TTN: variants seen among roughly 807,000 people sequenced by gnomAD.
TTN encodes the protein connectin.
Under a neutral mutation model 3,223.0 loss-of-function variants are expected in TTN, and 1,525 were observed. That is an observed-to-expected ratio of 0.47 (90% CI 0.45 to 0.49). The LOEUF (loss-of-function observed/expected upper bound fraction) is 0.49, where lower values mean the gene tolerates loss of function less well. TTN is among the 20% of genes least tolerant of loss of function. The pLI, the probability that TTN is intolerant of heterozygous loss-of-function variation, is 0.00. For missense variants in TTN, 40,786 were observed against 43,424.0 expected, an observed-to-expected ratio of 0.94 and a Z score of 5.40; for synonymous variants, 14,094 against 15,161.0, an observed-to-expected ratio of 0.93 and a Z score of 5.17.
Position 178,679,587 on chromosome 2 carries a change from A to G in TTN, c.33664+12T>C, listed in dbSNP as rs1560316773. ...AAGTCTCTTAGATACCCGTCAATGA[A>G]TGGTGGTGTACCTTTTGCCGGTGGA... On this transcript the variant is annotated intron_variant, in intron 141 of 362. Coordinates refer to ENST00000589042, the MANE Select transcript of TTN (RefSeq NM_001267550.2). 3 of 1,607,880 alleles carry G rather than the reference A, an allele frequency of 1.9e-6. No homozygotes were observed. Among genetic ancestry groups the G allele is most frequent in the Non-Finnish European group, 2.5e-6 (3 of 1,178,020 alleles).
chr2:178,621,215 A>C lies in TTN; in HGVS notation c.45503T>G (p.Ile15168Ser), dbSNP rs964218547. The change falls in exon 246 of 363, where the codon ATT becomes AGT. Residue 15168 changes from isoleucine to serine, a missense_variant. By Grantham distance (142) the Ile-to-Ser change is moderately radical (BLOSUM62 -2). Coordinates refer to ENST00000589042, the MANE Select transcript of TTN (RefSeq NM_001267550.2). ...TAGGACCCTCTTTTTACCATCAGCA[A>C]TAACGTCATATTTATCTCCAGATTC... ...TLESGDKYDV[I>S]ADGKKRVLVV... is the part of the protein sequence containing the mutation. 6.2e-7 allele frequency: 1 copy of C among 1,612,208 alleles called. No individual in the cohort carries two copies.
In TTN at chr2:178,546,718, G is replaced by A. The variant is rs375185958; in HGVS notation, c.94710C>T (p.Thr31570=). The A allele has an allele frequency of 1.9e-5, 30 of 1,613,636 alleles. No individual in the cohort carries two copies. The highest frequency in any genetic ancestry group is 2.2e-5 in the East Asian group (1 of 44,882). Residue 31570 remains threonine, a synonymous_variant, in exon 341 of 363, where the codon ACC becomes ACT. Transcript: ENST00000589042. ...NYTIVSDNFF[T]VTALSEGDTY... ...TGTCTCCTTCACTGAGAGCAGTCAC[G>A]GTGAAGAAATTGTCAGATACAATGG...
rs200373454 is a variant in TTN at position 178,580,615 on chromosome 2, T to G, written c.66770-6A>C. ...AAGTTCTCCCTCAGGTGGAACTGTT[T>G]AATTTTGGGTGAAGAAGTTAAATAA... On this transcript the variant is annotated splice_polypyrimidine_tract_variant and splice_region_variant and intron_variant, in intron 316 of 362. Coordinates refer to ENST00000589042, the MANE Select transcript of TTN (RefSeq NM_001267550.2). 3.8e-6 allele frequency: 6 copies of G among 1,591,730 alleles called. No homozygotes were observed. Among genetic ancestry groups the G allele is most frequent in the Non-Finnish European group, 5.1e-6 (6 of 1,174,280 alleles).
intron 68 of TTN, 69 bp from the exon 69 acceptor site, chr2:178,727,440 T>C (rs1331777448): frequency 1.3e-5 from 19 of 1,509,600 alleles, no homozygotes; most frequent in South Asian, 5.5e-5. Flanking sequence ...TTAGATAGTA[T>C]ACAGGCAAGA....
chr2:178,768,712 C>A lies in TTN; in HGVS notation c.9124G>T (p.Ala3042Ser), dbSNP rs756542210. Reference protein sequence around the residue: ...FGDAADYTFVAGKATSTATLY... With the variant: ...FGDAADYTFVSGKATSTATLY... ...GTGGCTGTTGATGTTGCTTTTCCAG[C>A]CACAAAGGTGTAGTCAGCAGCATCC... The change falls in exon 38 of 363, where the codon GCT becomes TCT. Residue 3042 changes from alanine (A) to serine (S), a missense_variant. Coordinates refer to ENST00000589042, the MANE Select transcript of TTN (RefSeq NM_001267550.2). 20 of 1,614,072 alleles carry A rather than the reference C, an allele frequency of 1.2e-5. No homozygotes were observed. The highest frequency in any genetic ancestry group is 3.3e-4 in the Middle Eastern group (2 of 6,060).
chr2:178,753,255 T>C lies in TTN; in HGVS notation c.11255-75A>G, dbSNP rs1290056155. On this transcript the variant is annotated intron_variant, in intron 46 of 362. Coordinates refer to ENST00000589042, the MANE Select transcript of TTN (RefSeq NM_001267550.2). The stretch of plus-strand genomic sequence containing the variant: ...TTTCTGCATCAATTCATGACTTGTA[T>C]GATTAAAGTTTTCTTTTTATTATAA... 1.9e-5 allele frequency: 23 copies of C among 1,195,320 alleles called. No homozygotes were observed. In the Admixed American group the frequency reaches 3.7e-4, roughly 19 times the overall value. The allele number at this position is 1,195,320 out of a possible 1,614,324, so 74.0% of individuals were successfully genotyped here.
At position 178,569,782 on chromosome 2, in the gene TTN, A is replaced by G; in HGVS notation, c.76350T>C (p.Gly25450=). The change falls in exon 326 of 363, where the codon GGT becomes GGC. Residue 25450 remains glycine (G), a synonymous_variant. Transcript: ENST00000589042. Reference sequence around the variant, plus strand: ...TTGGTGGAGTGCACATTGTCCATTCACCAACACTCACATCACATTTTTCAA... The same window carrying G: ...TTGGTGGAGTGCACATTGTCCATTCGCCAACACTCACATCACATTTTTCAA... ...YIVEKCDVSV[G]EWTMCTPPTG... 1 of 1,613,252 alleles carries G rather than the reference A, an allele frequency of 6.2e-7. No individual in the cohort carries two copies. The highest frequency in any genetic ancestry group is 1.1e-5 in the South Asian group (1 of 91,052).
At position 178,571,972 on chromosome 2, in the gene TTN, G is replaced by C; in HGVS notation, c.74160C>G (p.Leu24720=). The C allele has an allele frequency of 6.2e-7, 1 of 1,613,270 alleles. No individual in the cohort carries two copies. The highest frequency in any genetic ancestry group is 8.5e-7 in the Non-Finnish European group (1 of 1,179,586). ...CCAGTACAGTGAAAGTATTGAACAG[G>C]AGTTTGAAGGCTGGTGGAATGACAA... The part of the protein sequence containing the change: ...KDLVIPPAFK[L]LFNTFTVLAG... The change falls in exon 326 of 363, where the codon CTC becomes CTG. Residue 24720 remains leucine (L), a synonymous_variant. Transcript: ENST00000589042.
chr2:178,714,706 G>A (rs1000997948), intron 90 of TTN, 133 bp from the exon 91 acceptor site: 6 of 1,050,720 alleles, frequency 5.7e-6, no homozygotes, highest in Non-Finnish European at 6.7e-6. Flanking sequence ...TGGTGGATGC[G>A]AGCAGGGACA....
chr2:178,712,108 C>A lies in TTN; in HGVS notation c.27722G>T (p.Gly9241Val). 1 of 1,613,724 alleles carries A rather than the reference C, an allele frequency of 6.2e-7. No homozygotes were observed. The highest frequency in any genetic ancestry group is 1.1e-5 in the South Asian group (1 of 91,060). The change falls in exon 96 of 363, where the codon GGA becomes GTA. Residue 9241 changes from glycine (G) to valine (V), a missense_variant. Gly to Val is a moderately radical substitution (Grantham distance 109). Transcript: ENST00000589042. The stretch of plus-strand genomic sequence containing the variant: ...CGTAGTGGGTCTCAATTTTGTATCT[C>A]CTTTATACCAGGATACCCCAATTTC... ...TPEIGVSWYK[G>V]DTKLRPTTTY... is the part of the protein sequence containing the mutation.
Position 178,771,326 on chromosome 2 carries a change from A to G in TTN, c.8001T>C (p.Ser2667=). The G allele has an allele frequency of 6.2e-7, 1 of 1,614,028 alleles. No homozygotes were observed. The highest frequency in any genetic ancestry group is 8.5e-7 in the Non-Finnish European group (1 of 1,179,998). The change falls in exon 34 of 363, where the codon AGT becomes AGC. Residue 2667 remains serine, a synonymous_variant. Coordinates refer to ENST00000589042, the MANE Select transcript of TTN (RefSeq NM_001267550.2). ...KHLPLTNNIR[S]ESDGHKRRLI... is the part of the protein sequence containing the mutation. ...GTCTCCTTTTGTGGCCATCAGACTC[A>G]CTTCTGATGTTGTTAGTCAGTGGTA...
At chr2:178,771,611 T>C (rs2091498520) in intron 33 of TTN, 140 bp from the exon 34 acceptor site, 1 of 1,257,246 alleles carries the variant, frequency 8.0e-7, no homozygotes. Flanking sequence ...TTTTTACCCA[T>C]ATTGAGAAGG....
chr2:178,529,558 T>G lies in TTN; in HGVS notation c.106532-339A>C, dbSNP rs1032454775. Among the ~76,000 whole-genome samples, 3 of 152,224 alleles carry G rather than the reference T, an allele frequency of 2.0e-5. No individual in the cohort carries two copies. The East Asian group carries it at 5.8e-4, about 29-fold the overall frequency. On this transcript the variant is annotated intron_variant, in intron 359 of 362. Transcript: ENST00000589042. ...TAAATTATCTTTCAGAAGATTGAAA[T>G]GAAAGCAAACTAATTTTAATTGGTA...
rs1060500453 is a variant in TTN, at chr2:178,611,752, A to ACTTACTTG, written c.50549_50551+5dup. 14 of 1,611,602 alleles carry ACTTACTTG rather than the reference A, an allele frequency of 8.7e-6. No individual in the cohort carries two copies. Among genetic ancestry groups the ACTTACTTG allele is most frequent in the Non-Finnish European group, 1.2e-5 (14 of 1,178,846 alleles). On this transcript the variant is annotated splice_donor_region_variant and intron_variant, in intron 268 of 362. Transcript: ENST00000589042. ...CAATATCTTGTGTATAATCAGCACTACTTACTTGTTGGATCTTCAATGGAT... is the reference window on the plus strand; with the variant it reads ...CAATATCTTGTGTATAATCAGCACTACTTACTTGCTTACTTGTTGGATCTTCAATGGAT...
At chr2:178,754,439 C>G (rs1406009626) in intron 46 of TTN, among the ~76,000 whole-genome samples, 1 of 152,084 alleles carries the variant, frequency 6.6e-6, no homozygotes, top group African/African-American at 2.4e-5. Context: ...ATAATATTAT[C>G]AATTGGAACT....
Position 178,548,343 on chromosome 2 carries a change from C to T in TTN, c.93283G>A (p.Glu31095Lys). The change falls in exon 339 of 363, where the codon GAG becomes AAG. Residue 31095 changes from glutamate (E) to lysine (K), a missense_variant. Coordinates refer to ENST00000589042, the MANE Select transcript of TTN (RefSeq NM_001267550.2). The surrounding 1 kb of genome is among the most constrained non-coding windows in gnomAD (Gnocchi z 4.3). Reference sequence around the variant, plus strand: ...TCATAGGGCTCACCAACACCATACTCATTTACTGCAGAAACACGGAAATAG... The same window carrying T: ...TCATAGGGCTCACCAACACCATACTTATTTACTGCAGAAACACGGAAATAG... ...PYYFRVSAVN[E>K]YGVGEPYEMP... 2 of 1,613,892 alleles carry T rather than the reference C, an allele frequency of 1.2e-6. No homozygotes were observed. The highest frequency in any genetic ancestry group is 2.2e-5 in the East Asian group (1 of 44,876).
At position 178,539,705 on chromosome 2, in the gene TTN, T is replaced by A; in HGVS notation, c.98360A>T (p.Tyr32787Phe). The change falls in exon 352 of 363, where the codon TAC (tyrosine) becomes TTC (phenylalanine). Residue 32787 changes from tyrosine (Y) to phenylalanine (F), a missense_variant. Transcript: ENST00000589042. ...ACTTCCTATCACCCTGACCTTGATG[T>A]AGACAGCCTTCTTGCCACATTTATT... is the stretch of plus-strand genomic sequence containing the variant. ...LENKCGKKAV[Y>F]IKVRVIGSPN... 1.2e-6 allele frequency: 2 copies of A among 1,613,846 alleles called. No homozygotes were observed. The highest frequency in any genetic ancestry group is 1.7e-6 in the Non-Finnish European group (2 of 1,179,808).
Position 178,548,140 on chromosome 2 carries a change from T to C in TTN, c.93486A>G (p.Glu31162=). The C allele has an allele frequency of 1.2e-6, 2 of 1,613,888 alleles. No individual in the cohort carries two copies. The highest frequency in any genetic ancestry group is 1.7e-6 in the Non-Finnish European group (2 of 1,179,814). The change falls in exon 339 of 363, where the codon GAA becomes GAG. Residue 31162 remains glutamate (E), a synonymous_variant. Coordinates refer to ENST00000589042, the MANE Select transcript of TTN (RefSeq NM_001267550.2). The surrounding 1 kb of genome is among the most constrained non-coding windows in gnomAD (Gnocchi z 4.3). ...MRQKGSDFWV[E]AGHTKQLTFT... ...AAGTTAGCTGTTTGGTGTGACCAGC[T>C]TCAACCCAGAAGTCAGATCCCTTTT...
At position 178,634,326 on chromosome 2, in the gene TTN, T is replaced by G; in HGVS notation, c.42415+40A>C. On this transcript the variant is annotated intron_variant, in intron 230 of 362. Transcript: ENST00000589042. The surrounding 1 kb of genome is among the most constrained non-coding windows in gnomAD (Gnocchi z 4.6). Reference sequence around the variant, plus strand: ...CTATCTTTAAAGTCATATATTTGCATGCCTTTATGGGATGTCACAGATCTC... The same window carrying G: ...CTATCTTTAAAGTCATATATTTGCAGGCCTTTATGGGATGTCACAGATCTC... 1 of 1,574,164 alleles carries G rather than the reference T, an allele frequency of 6.4e-7. No homozygotes were observed. The highest frequency in any genetic ancestry group is 1.2e-5 in the South Asian group (1 of 83,868).
Sources: gnomAD v4.1 joint callset for allele counts (sites outside exome capture counted in the v4.1 genomes callset) on GRCh38, gnomAD v4.1.1 for gene constraint, Gnocchi (gnomAD v3.1) non-coding constraint, MANE v1.5 for transcripts, NCBI Gene and HGNC (gene_info 2026-07-23, HGNC 2026-07-21) for gene names.